The following AKR7A2 variants were observed in gnomAD, a reference collection of about 807,000 sequenced individuals.
The protein encoded by AKR7A2 is aflatoxin B1 aldehyde reductase member 2.
AKR7A2 carries 29 observed loss-of-function variants against 37.3 expected under a neutral mutation model. The ratio of observed to expected loss-of-function variants is 0.78; its 90% confidence interval spans 0.58 to 1.06. AKR7A2 has a LOEUF of 1.06. Among genes scored for constraint, AKR7A2 ranks in the 50% least tolerant of loss-of-function variants. The pLI is 0.00. For missense variants in AKR7A2, 529 were observed against 497.9 expected, an observed-to-expected ratio of 1.06 and a Z score of -0.59; for synonymous variants, 228 against 217.8, an observed-to-expected ratio of 1.05 and a Z score of -0.41.
intron 3 of AKR7A2, chr1:19,307,675 T>A: frequency 1.8e-6 from 1 of 569,000 alleles, no homozygotes; most frequent in Non-Finnish European, 3.1e-6. Context: ...AATCCCTGCT[T>A]CCAGGAGATG....
intron 1 of AKR7A2, 113 bp downstream of exon 1, chr1:19,311,714 C>T: frequency 7.3e-7 from 1 of 1,368,202 alleles, no homozygotes. Flanking sequence ...GGGTGGGGAG[C>T]GAGGGACGAA....
In AKR7A2 at chr1:19,304,248, C is replaced by A; in HGVS notation, c.1057G>T (p.Glu353Ter). Residue 353 changes from glutamate to a stop codon, truncating the protein, a stop_gained, in exon 7 of 7, where the codon GAA becomes TAA. Coordinates refer to ENST00000235835, the MANE Select transcript of AKR7A2 (RefSeq NM_003689.4). LOFTEE classifies it high-confidence loss of function. ...FNQAWHLVAHECPNYFR is the reference protein window; with the variant it reads ...FNQAWHLVAH The stretch of plus-strand genomic sequence containing the variant: ...GCCTAGCGGAAGTAGTTGGGACATT[C>A]GTGAGCAACCAAATGCCAGGCTTGA... 6.2e-7 allele frequency: 1 copy of A among 1,614,166 alleles called. No individual in the cohort carries two copies. Among genetic ancestry groups the A allele is most frequent in the Admixed American group, 1.7e-5 (1 of 60,022 alleles).
intron 6 of AKR7A2, among the ~76,000 whole-genome samples, chr1:19,304,686 A>T (rs1465412749): frequency 6.6e-6 from 1 of 152,218 alleles, no homozygotes; most frequent in Non-Finnish European, 1.5e-5. Flanking sequence ...CTGCAATCCC[A>T]GCACTTTGGG....
At chr1:19,309,209 C>A (rs2093767838) in intron 1 of AKR7A2, among the ~76,000 whole-genome samples, 1 of 152,198 alleles carries the variant, frequency 6.6e-6, no homozygotes, top group South Asian at 2.1e-4. Context: ...AATTCTAGAG[C>A]AAGGAGCAGT....
intron 2 of AKR7A2, 79 bp downstream of exon 2, chr1:19,308,376 G>C: frequency 6.3e-7 from 1 of 1,596,184 alleles, no homozygotes; most frequent in Non-Finnish European, 8.5e-7. Context: ...GACTGCCCTG[G>C]TGCCTCTGCT....
At chr1:19,307,702 A>C (rs967093988) in intron 3 of AKR7A2, 1 of 540,866 alleles carries the variant, frequency 1.8e-6, no homozygotes, top group African/African-American at 1.9e-5. Context: ...CAAGTTTAAA[A>C]AAATAGACAA....
intron 1 of AKR7A2, 31 bp downstream of exon 1, chr1:19,311,796 A>T: frequency 6.2e-7 from 1 of 1,609,582 alleles, no homozygotes; most frequent in Non-Finnish European, 8.5e-7. Flanking sequence ...GCTCTACACG[A>T]TGCATGGGGA....
At position 19,308,484 on chromosome 1, in the gene AKR7A2, G is replaced by C; in HGVS notation, c.457C>G (p.Leu153Val). 1.2e-6 allele frequency: 2 copies of C among 1,614,156 alleles called. No homozygotes were observed. The highest frequency in any genetic ancestry group is 1.7e-6 in the Non-Finnish European group (2 of 1,180,040). Residue 153 changes from leucine to valine, a missense_variant, in exon 2 of 7, where the codon CTG (leucine) becomes GTG (valine). Leu to Val is a conservative substitution (Grantham distance 32, BLOSUM62 1). Transcript: ENST00000235835. ...PDHGTPVEET[L>V]HACQRLHQEG... ...TGGTGCAGCCGCTGGCAGGCATGCAGCGTCTCTTCCACCGGGGTGCCGTGG... is the reference window on the plus strand; with the variant it reads ...TGGTGCAGCCGCTGGCAGGCATGCACCGTCTCTTCCACCGGGGTGCCGTGG...
At position 19,311,928 on chromosome 1, in the gene AKR7A2, C is replaced by A. The variant is rs373072611; in HGVS notation, c.197G>T (p.Arg66Leu). ...SAAAVRAFLE[R>L]GHTELDTAFM... ...GGCCGTGTCCAGTTCGGTGTGGCCG[C>A]GCTCCAGAAAGGCGCGCACGGCCGC... The change falls in exon 1 of 7, where the codon CGC becomes CTC. Residue 66 changes from arginine (R) to leucine (L), a missense_variant. Coordinates refer to ENST00000235835, the MANE Select transcript of AKR7A2 (RefSeq NM_003689.4). The A allele has an allele frequency of 1.2e-4, 187 of 1,607,760 alleles. No homozygotes were observed. Among genetic ancestry groups the A allele is most frequent in the Non-Finnish European group, 1.6e-4 (183 of 1,178,220 alleles).
chr1:19,306,239 C>T, intron 5 of AKR7A2, 92 bp from the exon 6 acceptor site: 2 of 1,572,410 alleles, frequency 1.3e-6, no homozygotes, highest in South Asian at 2.2e-5. Flanking sequence ...ACTGCCCCAC[C>T]CCACACCCTG....
chr1:19,307,384 C>G lies in AKR7A2; in HGVS notation c.618G>C (p.Gln206His). The G allele has an allele frequency of 1.9e-6, 3 of 1,614,130 alleles. No homozygotes were observed. The highest frequency in any genetic ancestry group is 2.5e-6 in the Non-Finnish European group (3 of 1,179,970). The stretch of plus-strand genomic sequence containing the variant: ...GGCAGGGGAAGAGCTCCGTTTCCAC[C>G]TGCCGGGTGGTGGCGTTGTACATGC... The part of the protein sequence containing the change: ...YQGMYNATTR[Q>H]VETELFPCLR... The change falls in exon 4 of 7, where the codon CAG becomes CAC. Residue 206 changes from glutamine to histidine, a missense_variant. Coordinates refer to ENST00000235835, the MANE Select transcript of AKR7A2 (RefSeq NM_003689.4).
intron 2 of AKR7A2, 79 bp downstream of exon 2, chr1:19,308,376 G>A: frequency 1.3e-6 from 2 of 1,596,184 alleles, no homozygotes; most frequent in Non-Finnish European, 8.5e-7. Flanking sequence ...GACTGCCCTG[G>A]TGCCTCTGCT....
intron 1 of AKR7A2, 68 bp downstream of exon 1, chr1:19,311,759 G>T (rs1452730733): frequency 1.3e-6 from 2 of 1,594,400 alleles, no homozygotes; most frequent in African/African-American, 2.7e-5. Context: ...GCCCGAGCGG[G>T]GTGGTGCACG....
intron 1 of AKR7A2, 150 bp downstream of exon 1, chr1:19,311,677 G>C: frequency 1.1e-6 from 1 of 945,510 alleles, no homozygotes; most frequent in Non-Finnish European, 1.6e-6. Context: ...GTTGTCCCGG[G>C]GTTCCCAGAG....
chr1:19,304,220 T>C lies in AKR7A2; in HGVS notation c.*5A>G, dbSNP rs2231207. 59 of 1,614,074 alleles carry C rather than the reference T, an allele frequency of 3.7e-5. 1 individual carries two copies. In the East Asian group the frequency reaches 1.3e-3, roughly 35 times the overall value. On this transcript the variant is annotated 3_prime_UTR_variant, in exon 7 of 7. Transcript: ENST00000235835. ...AAGCCTTGGGCAGCCTGAGCCATGA[T>C]GGGCCTAGCGGAAGTAGTTGGGACA...
rs553063509 is a variant in AKR7A2, at chr1:19,305,947, T to C, written c.918+71A>G. ...AGAGGAATTCAGAAATCAAATGCTT[T>C]GGGCTTCACCTAAAGGTGACGCTGG... On this transcript the variant is annotated intron_variant, in intron 6 of 6. Coordinates refer to ENST00000235835, the MANE Select transcript of AKR7A2 (RefSeq NM_003689.4). 14 of 1,609,598 alleles carry C rather than the reference T, an allele frequency of 8.7e-6. No individual in the cohort carries two copies. In the East Asian group the frequency reaches 2.2e-4, roughly 26 times the overall value.
At chr1:19,309,224 C>T (rs909368514) in intron 1 of AKR7A2, among the ~76,000 whole-genome samples, 11 of 152,292 alleles carry the variant, frequency 7.2e-5, no homozygotes, top group Middle Eastern at 3.4e-3. Flanking sequence ...AGCAGTGGGA[C>T]GTAGGACAAG....
At chr1:19,306,828 A>C (rs1569689497) in intron 5 of AKR7A2, among the ~76,000 whole-genome samples, 174 bp downstream of exon 5, 1 of 152,138 alleles carries the variant, frequency 6.6e-6, no homozygotes, top group South Asian at 2.1e-4. Flanking sequence ...TTTCCCCCCC[A>C]GAGGTCTCAA....
intron 2 of AKR7A2, 65 bp downstream of exon 2, chr1:19,308,390 A>T (rs2093765908): frequency 6.3e-7 from 1 of 1,599,140 alleles, no homozygotes; most frequent in Non-Finnish European, 8.5e-7. Context: ...CTCTGCTCTC[A>T]TGAGTAGGAT....
Sources: allele counts gnomAD v4.1 joint callset (sites outside exome capture counted in the v4.1 genomes callset), GRCh38; gene constraint gnomAD v4.1.1; transcripts MANE v1.5; gene names NCBI Gene and HGNC (gene_info 2026-07-23, HGNC 2026-07-21).